UFD1: variants seen among roughly 807,000 people sequenced by gnomAD.
UFD1 encodes the protein ubiquitin recognition factor in ER associated degradation 1.
Under a neutral mutation model 45.9 loss-of-function variants are expected in UFD1, and 13 were observed. The ratio of observed to expected loss-of-function variants is 0.28; its 90% CI spans 0.18 to 0.45. The LOEUF (loss-of-function observed/expected upper bound fraction) is 0.45. UFD1 is among the 20% of genes least tolerant of loss of function. UFD1 has a pLI of 1.00. For synonymous variants in UFD1, 128 were observed against 139.2 expected (o/e 0.92, Z 0.56); for missense variants, 218 against 389.2 (o/e 0.56, Z 3.70).
At chr22:19,465,078 C>T in intron 6 of UFD1, 124 bp downstream of exon 6, 1 of 878,668 alleles carries the variant, frequency 1.1e-6, no homozygotes, top group Non-Finnish European at 1.8e-6. Context: ...AATAACCAAA[C>T]AGTAGGCAGT....
intron 3 of UFD1, among the ~76,000 whole-genome samples, chr22:19,473,899 C>T (rs1430003827): frequency 6.6e-6 from 1 of 152,216 alleles, no homozygotes; most frequent in South Asian, 2.1e-4. Flanking sequence ...CAAAACCAAG[C>T]ATGAACCTGT....
At chr22:19,468,274 G>A (rs1467352463) in intron 4 of UFD1, among the ~76,000 whole-genome samples, 11 of 152,162 alleles carry the variant, frequency 7.2e-5, no homozygotes, top group Admixed American at 7.2e-4. Flanking sequence ...CTAGCTCCAG[G>A]CTTCCCAGGG....
chr22:19,454,886 T>G, intron 10 of UFD1, 56 bp from the exon 11 acceptor site: 1 of 1,567,554 alleles, frequency 6.4e-7, no homozygotes, highest in Non-Finnish European at 8.7e-7. Flanking sequence ...AGGACTAAAA[T>G]TCATTTTTGA....
chr22:19,472,472 A>C (rs1388736417), intron 3 of UFD1, among the ~76,000 whole-genome samples: 1 of 152,216 alleles, frequency 6.6e-6, no homozygotes, highest in African/African-American at 2.4e-5. Context: ...GTCATGACAT[A>C]GGACGCCCCC....
At position 19,467,962 on chromosome 22, in the gene UFD1, C is replaced by G. The variant is rs1467864031; in HGVS notation, c.333G>C (p.Gln111His). The change falls in exon 5 of 12, where the codon CAG becomes CAC. Residue 111 changes from glutamine to histidine, a missense_variant. Physicochemically the swap from Gln to His is conservative, Grantham distance 24. Transcript: ENST00000263202. ...NLLLEEGGLVQVESVNLQVAT... is the reference protein window; with the variant it reads ...NLLLEEGGLVHVESVNLQVAT... ...CCACTTGAAGGTTGACGCTCTCCAC[C>G]TGGACCAGGCCGCCTTCTTCCAAGA... 6.2e-7 allele frequency: 1 copy of G among 1,614,186 alleles called. No individual in the cohort carries two copies. The highest frequency in any genetic ancestry group is 2.2e-5 in the East Asian group (1 of 44,882).
chr22:19,455,600 A>T, intron 10 of UFD1, 80 bp downstream of exon 10: 1 of 1,361,020 alleles, frequency 7.3e-7, no homozygotes, highest in East Asian at 2.3e-5. Context: ...TTGTCTCCAG[A>T]ACTGGGGTGA....
At chr22:19,452,043 T>C (rs1214196750) in intron 11 of UFD1, 21 of 648,872 alleles carry the variant, frequency 3.2e-5, no homozygotes, top group Non-Finnish European at 4.0e-5. Context: ...TGAGTTCCTT[T>C]TTTCTAATCT....
intron 3 of UFD1, among the ~76,000 whole-genome samples, chr22:19,474,407 G>A (rs1193464867): frequency 4.6e-5 from 7 of 152,090 alleles, no homozygotes; most frequent in African/African-American, 7.2e-5. Context: ...TTAGCCGGGC[G>A]TGGTGGCGGG....
At chr22:19,462,741 C>T (rs2089776871) in intron 6 of UFD1, among the ~76,000 whole-genome samples, 1 of 152,182 alleles carries the variant, frequency 6.6e-6, no homozygotes, top group Non-Finnish European at 1.5e-5. Flanking sequence ...AAGCTTCATA[C>T]ATTAAACATT....
intron 5 of UFD1, chr22:19,465,516 C>A: frequency 2.1e-6 from 1 of 477,872 alleles, no homozygotes; most frequent in Non-Finnish European, 3.8e-6. Flanking sequence ...GGGAAATAAC[C>A]AACCACAAAA....
intron 10 of UFD1, 74 bp downstream of exon 10, chr22:19,455,606 G>A: frequency 1.4e-6 from 2 of 1,436,310 alleles, no homozygotes; most frequent in South Asian, 1.2e-5. Context: ...CCAGAACTGG[G>A]GTGAGGCTGC....
intron 9 of UFD1, 41 bp downstream of exon 9, chr22:19,456,546 C>G (rs1307663427): frequency 6.2e-7 from 1 of 1,613,758 alleles, no homozygotes; most frequent in Non-Finnish European, 8.5e-7. Context: ...TTTCAAGGAG[C>G]AGAGGGCACA....
chr22:19,453,690 G>C (rs1383011590), intron 11 of UFD1: 5 of 985,362 alleles, frequency 5.1e-6, no homozygotes, highest in African/African-American at 1.7e-5. Flanking sequence ...GTTTCAACTT[G>C]AACATTGAGC....
intron 6 of UFD1, among the ~76,000 whole-genome samples, chr22:19,461,796 A>G (rs532636879): frequency 6.6e-6 from 1 of 151,934 alleles, no homozygotes; most frequent in South Asian, 2.1e-4. Context: ...GACTGGCTAT[A>G]CAATTATTTA....
Position 19,468,006 on chromosome 22 carries a change from GA to G in UFD1, c.292-4del. 1 of 1,613,980 alleles carries G rather than the reference GA, an allele frequency of 6.2e-7. No homozygotes were observed. Among genetic ancestry groups the G allele is most frequent in the Non-Finnish European group, 8.5e-7 (1 of 1,179,940 alleles). On this transcript the variant is annotated splice_polypyrimidine_tract_variant and splice_region_variant and intron_variant, in intron 4 of 11. Transcript: ENST00000263202. Reference sequence around the variant, plus strand: ...TCCAAGAGTAAGTTCTGCATCATCTGAAAGGAAGAAGAGGCTACATGAGACT... The same window carrying G: ...TCCAAGAGTAAGTTCTGCATCATCTGAAGGAAGAAGAGGCTACATGAGACT...
At chr22:19,465,374 T>C (rs540036202) in intron 5 of UFD1, 100 bp from the exon 6 acceptor site, 1 of 994,686 alleles carries the variant, frequency 1.0e-6, no homozygotes, top group East Asian at 2.4e-5. Flanking sequence ...GACTGTACCA[T>C]GATGGTACTT....
At chr22:19,451,533 AT>A in intron 11 of UFD1, 2 of 985,130 alleles carry the variant, frequency 2.0e-6, no homozygotes, top group Non-Finnish European at 1.2e-6. Context: ...AACTGCACAT[AT>A]TTTTTTTCAC....
intron 4 of UFD1, among the ~76,000 whole-genome samples, chr22:19,469,645 G>A (rs758933856): frequency 4.6e-5 from 7 of 152,206 alleles, no homozygotes; most frequent in East Asian, 1.9e-4. Flanking sequence ...AGGCTGGCTC[G>A]CCCTGAAGAA....
At chr22:19,451,941 TG>T (rs2089686199) in intron 11 of UFD1, 1 of 985,332 alleles carries the variant, frequency 1.0e-6, no homozygotes, top group Non-Finnish European at 1.2e-6. Context: ...CTGGATTCTA[TG>T]ACTTTCTTAT....
Sources: allele counts gnomAD v4.1 joint callset (sites outside exome capture counted in the v4.1 genomes callset), GRCh38; gene constraint gnomAD v4.1.1; transcripts MANE v1.5; gene names NCBI Gene and HGNC (gene_info 2026-07-23, HGNC 2026-07-21).